The following TXNRD1 variants were observed in gnomAD, a reference collection of about 807,000 sequenced individuals.
The protein encoded by TXNRD1 is thioredoxin reductase 1, also known as thioredoxin reductase 1, cytoplasmic.
Under a neutral mutation model 80.3 loss-of-function variants are expected in TXNRD1, and 57 were observed. That is an observed-to-expected ratio of 0.71 (90% CI 0.57 to 0.89). TXNRD1 has a LOEUF of 0.89. Ranked by LOEUF, TXNRD1 falls within the 40% of genes least tolerant of loss-of-function variation. The pLI is 0.00. For synonymous variants in TXNRD1, 291 were observed against 285.2 expected (o/e 1.02, Z -0.20); for missense variants, 730 against 803.0 (o/e 0.91, Z 1.10).
In TXNRD1 at chr12:104,262,803, C is replaced by T. The variant is rs148409917; in HGVS notation, c.304+4724C>T. 4.8e-3 allele frequency among the ~76,000 whole-genome samples: 723 copies of T among 150,834 alleles called. 2 individuals are homozygous for T. The highest frequency in any genetic ancestry group is 0.017 in the African/African-American group (693 of 41,150). On this transcript the variant is annotated intron_variant, in intron 3 of 16. Coordinates refer to ENST00000525566, the MANE Select transcript of TXNRD1 (RefSeq NM_001093771.3). ...GTTTTTTTTTTCTTTTTTTTCCCAG[C>T]AAATTCCTTTTATTTTCCTTTAGAG... is the stretch of plus-strand genomic sequence containing the variant.
At chr12:104,269,280 C>T (rs1366911423) in intron 3 of TXNRD1, among the ~76,000 whole-genome samples, 2 of 152,150 alleles carry the variant, frequency 1.3e-5, no homozygotes, top group Non-Finnish European at 2.9e-5. Context: ...ATTATTTGCT[C>T]ATCCATAAAA....
intron 3 of TXNRD1, among the ~76,000 whole-genome samples, chr12:104,273,835 A>C (rs2033704007): frequency 6.6e-6 from 1 of 152,152 alleles, no homozygotes; most frequent in African/African-American, 2.4e-5. Flanking sequence ...ATGAATCAAG[A>C]GGTCAGGAGA....
intron 3 of TXNRD1, chr12:104,287,158 G>T (rs2033996192): frequency 6.4e-7 from 1 of 1,557,502 alleles, no homozygotes; most frequent in Non-Finnish European, 8.6e-7. Context: ...GCCCAGGGAT[G>T]GGAGCACGCG....
intron 10 of TXNRD1, among the ~76,000 whole-genome samples, chr12:104,323,404 G>C (rs1364245469): frequency 6.7e-6 from 1 of 148,682 alleles, no homozygotes; most frequent in African/African-American, 2.5e-5. Context: ...CGGGCGGGGG[G>C]CTGACCCCCC....
chr12:104,280,345 T>A (rs12318033), intron 3 of TXNRD1: 1 of 152,040 alleles, frequency 6.6e-6, no homozygotes, highest in Non-Finnish European at 1.5e-5. Flanking sequence ...CACTTCTTCA[T>A]TGGCTTCTGA....
chr12:104,282,160 T>C (rs2033892614), intron 3 of TXNRD1, among the ~76,000 whole-genome samples: 1 of 152,216 alleles, frequency 6.6e-6, no homozygotes, highest in Non-Finnish European at 1.5e-5. Flanking sequence ...AGCTGTTACA[T>C]ATTGCTCTTC....
At chr12:104,235,055 C>T (rs917968222) in intron 1 of TXNRD1, among the ~76,000 whole-genome samples, 3 of 152,070 alleles carry the variant, frequency 2.0e-5, no homozygotes, top group East Asian at 3.8e-4. Flanking sequence ...TATAAGAGCT[C>T]GGAGTCGCAA....
chr12:104,310,167 A>T, intron 4 of TXNRD1: 1 of 1,331,840 alleles, frequency 7.5e-7, no homozygotes, highest in Non-Finnish European at 9.7e-7. Context: ...TTAAAATGAG[A>T]TGGAGTCTCA....
intron 3 of TXNRD1, among the ~76,000 whole-genome samples, chr12:104,260,149 T>C (rs1361700688): frequency 1.3e-5 from 2 of 151,858 alleles, no homozygotes; most frequent in Non-Finnish European, 2.9e-5. Flanking sequence ...GCCTGACCAG[T>C]ATGGAGAAAC....
chr12:104,330,111 C>T (rs1195572070), intron 13 of TXNRD1, among the ~76,000 whole-genome samples: 1 of 151,872 alleles, frequency 6.6e-6, no homozygotes, highest in Non-Finnish European at 1.5e-5. Context: ...TTCCAAGGTT[C>T]TATGTATTTT....
chr12:104,322,864 A>T (rs894881304), intron 10 of TXNRD1, among the ~76,000 whole-genome samples: 1 of 146,980 alleles, frequency 6.8e-6, no homozygotes, highest in African/African-American at 2.5e-5. Context: ...GGGATTTGGC[A>T]GGGTCATGGG....
chr12:104,264,183 C>T (rs756209271), intron 3 of TXNRD1, among the ~76,000 whole-genome samples: 7 of 152,214 alleles, frequency 4.6e-5, no homozygotes, highest in Non-Finnish European at 1.0e-4. Flanking sequence ...AAGGCACAAC[C>T]TCATTCTTTA....
intron 1 of TXNRD1, among the ~76,000 whole-genome samples, chr12:104,239,129 T>G (rs1032353506): frequency 2.8e-4 from 42 of 152,160 alleles, no homozygotes; most frequent in Non-Finnish European, 5.1e-4. Flanking sequence ...CTGATAATTC[T>G]GTGTTAGACG....
chr12:104,319,080 C>CTTTTTT, intron 8 of TXNRD1, 25 bp downstream of exon 8: 2 of 1,211,958 alleles, frequency 1.7e-6, no homozygotes, highest in Non-Finnish European at 2.2e-6. Context: ...TCCTGACTAG[C>CTTTTTT]TTTTTTTTTT....
chr12:104,304,394 A>G (rs756422772), intron 4 of TXNRD1: 1 of 1,614,054 alleles, frequency 6.2e-7, no homozygotes, highest in Non-Finnish European at 8.5e-7. Flanking sequence ...CTGGAAGGCA[A>G]TAGAAAAGGA....
intron 1 of TXNRD1, among the ~76,000 whole-genome samples, chr12:104,229,793 A>G (rs1275317512): frequency 6.6e-6 from 1 of 151,088 alleles, no homozygotes; most frequent in Non-Finnish European, 1.5e-5. Context: ...GGGTTGCACC[A>G]TGTTGGTCAG....
intron 1 of TXNRD1, among the ~76,000 whole-genome samples, chr12:104,225,600 C>T (rs773142055): frequency 6.6e-6 from 1 of 152,112 alleles, no homozygotes; most frequent in African/African-American, 2.4e-5. Flanking sequence ...AGGGCTTCCC[C>T]CTTCACTTGG....
intron 5 of TXNRD1, among the ~76,000 whole-genome samples, 176 bp from the exon 6 acceptor site, chr12:104,313,069 T>C (rs1302256349): frequency 1.3e-5 from 2 of 152,246 alleles, no homozygotes; most frequent in Admixed American, 1.3e-4. Context: ...TCTGAATATC[T>C]GTTAATTTTT....
chr12:104,233,933 ACTTT>A (rs1001049430), intron 1 of TXNRD1, among the ~76,000 whole-genome samples: 1 of 152,128 alleles, frequency 6.6e-6, no homozygotes, highest in Non-Finnish European at 1.5e-5. Flanking sequence ...GGTTGCTTTA[ACTTT>A]CTGAGTGCAG....
Sources: gnomAD v4.1 joint callset for allele counts (sites outside exome capture counted in the v4.1 genomes callset) on GRCh38, gnomAD v4.1.1 for gene constraint, MANE v1.5 for transcripts, NCBI Gene and HGNC (gene_info 2026-07-23, HGNC 2026-07-21) for gene names.